Variants in TRIM38 observed in about 807,000 individuals in gnomAD.
TRIM38 encodes E3 ubiquitin-protein ligase TRIM38.
In TRIM38, 35 loss-of-function variants were observed where a neutral mutation model predicts 35.8. The ratio of observed to expected loss-of-function variants is 0.98; its 90% CI spans 0.75 to 1.30. The LOEUF (loss-of-function observed/expected upper bound fraction) is 1.30. Among genes scored for constraint, TRIM38 ranks in the 50% most tolerant of loss-of-function variants. TRIM38 has a pLI of 0.00. For synonymous variants in TRIM38, 198 were observed against 204.7 expected, an observed-to-expected ratio of 0.97 and a Z score of 0.28; for missense variants, 545 against 556.9, an observed-to-expected ratio of 0.98 and a Z score of 0.21.
At position 25,981,982 on chromosome 6, in the gene TRIM38, G is replaced by C. The variant is rs199812507; in HGVS notation, c.875-1182G>C. ...ATTATTACTACATGTTGTTAGAAGA[G>C]CTGAAGCAGGACTGGCTTGTCTGTC... On this transcript the variant is annotated intron_variant, in intron 7 of 7. Coordinates refer to ENST00000357085, the MANE Select transcript of TRIM38 (RefSeq NM_006355.5). Among the ~76,000 whole-genome samples, 30 of 152,304 alleles carry C rather than the reference G, an allele frequency of 2.0e-4. No homozygotes were observed. In the East Asian group the frequency reaches 5.4e-3, roughly 27 times the overall value.
intron 7 of TRIM38, among the ~76,000 whole-genome samples, chr6:25,978,040 C>T (rs1201902144): frequency 6.6e-6 from 1 of 152,030 alleles, no homozygotes; most frequent in Non-Finnish European, 1.5e-5. Flanking sequence ...TATATACACA[C>T]ACACATATAT....
intron 3 of TRIM38, among the ~76,000 whole-genome samples, chr6:25,968,098 C>A (rs971844670): frequency 1.3e-5 from 2 of 152,114 alleles, no homozygotes; most frequent in African/African-American, 4.8e-5. Context: ...CTTCTCTGTC[C>A]TGCCTAAATT....
Position 25,985,444 on chromosome 6 carries a change from G to A in TRIM38, c.*1757G>A, listed in dbSNP as rs1437168699. On this transcript the variant is annotated 3_prime_UTR_variant, in exon 8 of 8. Coordinates refer to ENST00000357085, the MANE Select transcript of TRIM38 (RefSeq NM_006355.5). ...AAGCCCAAGTTCTAAATCCTCTTTT[G>A]AGTATTCATCTCAGTACTCCCCTGT... is the stretch of plus-strand genomic sequence containing the variant. 2 of 151,976 alleles carry A rather than the reference G, an allele frequency of 1.3e-5. No individual in the cohort carries two copies. Among genetic ancestry groups the A allele is most frequent in the African/African-American group, 2.4e-5 (1 of 41,338 alleles). The allele number at this position is 151,976 out of a possible 1,614,324, so 9.4% of individuals were successfully genotyped here. A position where few individuals can be genotyped will look rare whatever the true frequency, so the allele number is the denominator to read the frequency against.
At position 25,988,603 on chromosome 6, in the gene TRIM38, C is replaced by G. The variant is rs889018052; in HGVS notation, c.*4916C>G. Reference sequence around the variant, plus strand: ...CCATCTCCCAGGTTCAAACGATTCTCATATCTCAGCCTCCCGAGTAGCTGG... The same window carrying G: ...CCATCTCCCAGGTTCAAACGATTCTGATATCTCAGCCTCCCGAGTAGCTGG... On this transcript the variant is annotated 3_prime_UTR_variant, in exon 8 of 8. Coordinates refer to ENST00000357085, the MANE Select transcript of TRIM38 (RefSeq NM_006355.5). 13 of 143,118 alleles carry G rather than the reference C, an allele frequency of 9.1e-5. No individual in the cohort carries two copies. Among genetic ancestry groups the G allele is most frequent in the African/African-American group, 2.9e-4 (11 of 38,574 alleles). 8.9% of individuals were successfully genotyped at this position (143,118 alleles called of 1,614,324 possible). A position where few individuals can be genotyped will look rare whatever the true frequency, so the allele number is the denominator to read the frequency against.
intron 7 of TRIM38, 98 bp downstream of exon 7, chr6:25,973,383 A>G (rs1237315050): frequency 1.3e-6 from 2 of 1,503,500 alleles, no homozygotes; most frequent in African/African-American, 2.8e-5. Context: ...ACAGCCAGAG[A>G]GGTTGTTTAG....
intron 2 of TRIM38, among the ~76,000 whole-genome samples, chr6:25,965,064 C>G (rs958053457): frequency 2.0e-5 from 3 of 152,150 alleles, no homozygotes; most frequent in Non-Finnish European, 2.9e-5. Flanking sequence ...CTGCCCGCCT[C>G]GGCTTCCCAA....
At position 25,988,729 on chromosome 6, in the gene TRIM38, C is replaced by T. The variant is rs1391484894; in HGVS notation, c.*5042C>T. Reference sequence around the variant, plus strand: ...CCTCAAGCAATCCACCCACTTCGGCCTCCCAAAGTGAATGCATTTCTTTTT... The same window carrying T: ...CCTCAAGCAATCCACCCACTTCGGCTTCCCAAAGTGAATGCATTTCTTTTT... On this transcript the variant is annotated 3_prime_UTR_variant, in exon 8 of 8. Coordinates refer to ENST00000357085, the MANE Select transcript of TRIM38 (RefSeq NM_006355.5). The T allele has an allele frequency of 1.3e-5, 2 of 152,052 alleles. No homozygotes were observed. The highest frequency in any genetic ancestry group is 4.8e-5 in the African/African-American group (2 of 41,390). The allele number at this position is 152,052 out of a possible 1,614,324, so 9.4% of individuals were successfully genotyped here.
Position 25,988,470 on chromosome 6 carries a change from TTTTC to T in TRIM38, c.*4787_*4790del, listed in dbSNP as rs1760772260. The T allele has an allele frequency of 7.1e-6, 1 of 140,334 alleles. No homozygotes were observed. The highest frequency in any genetic ancestry group is 1.5e-5 in the Non-Finnish European group (1 of 66,228). The allele number at this position is 140,334 out of a possible 1,614,324, so 8.7% of individuals were successfully genotyped here. A position where few individuals can be genotyped will look rare whatever the true frequency, so the allele number is the denominator to read the frequency against. ...TTCATGGCTTGATCGTTTCTTTTCTTTTTCTTTTTCTTTTTTCTTTTCTTTCTTT... is the reference window on the plus strand; with the variant it reads ...TTCATGGCTTGATCGTTTCTTTTCTTTTTTTCTTTTTTCTTTTCTTTCTTT... On this transcript the variant is annotated 3_prime_UTR_variant, in exon 8 of 8. Coordinates refer to ENST00000357085, the MANE Select transcript of TRIM38 (RefSeq NM_006355.5).
Position 25,984,855 on chromosome 6 carries a change from T to TA in TRIM38, c.*1170dup, listed in dbSNP as rs1297974945. 9.2e-5 allele frequency: 14 copies of TA among 152,190 alleles called. No homozygotes were observed. The highest frequency in any genetic ancestry group is 3.1e-4 in the African/African-American group (13 of 41,404). The allele number at this position is 152,190 out of a possible 1,614,324, so 9.4% of individuals were successfully genotyped here. On this transcript the variant is annotated 3_prime_UTR_variant, in exon 8 of 8. Transcript: ENST00000357085. ...GCTGTGCCTCAAGGAAAAAAAAAATTAATGTTTACTGATATTTGTTGAAGT... is the reference window on the plus strand; with the variant it reads ...GCTGTGCCTCAAGGAAAAAAAAAATTAAATGTTTACTGATATTTGTTGAAGT...
Position 25,972,173 on chromosome 6 carries a change from G to A in TRIM38, c.738+74G>A, listed in dbSNP as rs1337924226. 5.9e-6 allele frequency: 8 copies of A among 1,354,288 alleles called. No individual in the cohort carries two copies. In the South Asian group the frequency reaches 8.7e-5, roughly 15 times the overall value. The allele number at this position is 1,354,288 out of a possible 1,614,324, so 83.9% of individuals were successfully genotyped here. A position where few individuals can be genotyped will look rare whatever the true frequency, so the allele number is the denominator to read the frequency against. Reference sequence around the variant, plus strand: ...TTAAAGGAGAATGGTAAGGAAGCATGGGAAGATAAAGTAATGTTTCTTTTA... The same window carrying A: ...TTAAAGGAGAATGGTAAGGAAGCATAGGAAGATAAAGTAATGTTTCTTTTA... On this transcript the variant is annotated intron_variant, in intron 5 of 7. Transcript: ENST00000357085.
intron 7 of TRIM38, among the ~76,000 whole-genome samples, chr6:25,979,560 C>G (rs1760488314): frequency 6.6e-5 from 10 of 151,762 alleles, no homozygotes; most frequent in Admixed American, 6.6e-4. Flanking sequence ...TGTATTCATT[C>G]CATTTGTGCC....
At chr6:25,968,395 T>G (rs1159305789) in intron 3 of TRIM38, among the ~76,000 whole-genome samples, 1 of 152,210 alleles carries the variant, frequency 6.6e-6, no homozygotes, top group Non-Finnish European at 1.5e-5. Flanking sequence ...CTTAATGTCT[T>G]CACACCTTGG....
At chr6:25,967,405 G>A (rs149461503) in intron 3 of TRIM38, among the ~76,000 whole-genome samples, 1 of 152,090 alleles carries the variant, frequency 6.6e-6, no homozygotes, top group African/African-American at 2.4e-5. Context: ...TTAGGGTAGA[G>A]AGTGGTTCAT....
rs1760755443 is a variant in TRIM38 at position 25,987,846 on chromosome 6, C to T, written c.*4159C>T. The T allele has an allele frequency of 6.6e-6, 1 of 152,224 alleles. No individual in the cohort carries two copies. Among genetic ancestry groups the T allele is most frequent in the South Asian group, 2.1e-4 (1 of 4,832 alleles). 9.4% of individuals were successfully genotyped at this position (152,224 alleles called of 1,614,324 possible). A position where few individuals can be genotyped will look rare whatever the true frequency, so the allele number is the denominator to read the frequency against. The stretch of plus-strand genomic sequence containing the variant: ...AATCCTGTGTTCTGCCTTTTCAACA[C>T]TTCCTGTCACCCAATTTCTATCAAC... On this transcript the variant is annotated 3_prime_UTR_variant, in exon 8 of 8. Transcript: ENST00000357085.
rs1760661953 is a variant in TRIM38, at chr6:25,984,628, C to T, written c.*941C>T. ...GCATGGTGGCTCACGCCTGTAATCCCAGAACTATGTGAGGCTGAGGCAGGT... is the reference window on the plus strand; with the variant it reads ...GCATGGTGGCTCACGCCTGTAATCCTAGAACTATGTGAGGCTGAGGCAGGT... On this transcript the variant is annotated 3_prime_UTR_variant, in exon 8 of 8. Coordinates refer to ENST00000357085, the MANE Select transcript of TRIM38 (RefSeq NM_006355.5). 6.6e-6 allele frequency: 1 copy of T among 152,068 alleles called. No individual in the cohort carries two copies. The highest frequency in any genetic ancestry group is 6.6e-5 in the Admixed American group (1 of 15,264). 9.4% of individuals were successfully genotyped at this position (152,068 alleles called of 1,614,324 possible).
chr6:25,973,914 G>A, intron 7 of TRIM38: 2 of 978,398 alleles, frequency 2.0e-6, no homozygotes, highest in Non-Finnish European at 2.4e-6. Context: ...GTATCCGTAA[G>A]TACAAAATCA....
chr6:25,967,896 G>C (rs1760112594), intron 3 of TRIM38, among the ~76,000 whole-genome samples: 1 of 152,130 alleles, frequency 6.6e-6, no homozygotes, highest in South Asian at 2.1e-4. Context: ...ATAAGAAAGG[G>C]AGGAGAGGGC....
At position 25,978,671 on chromosome 6, in the gene TRIM38, T is replaced by C. The variant is rs575638927; in HGVS notation, c.875-4493T>C. 9.3e-4 allele frequency among the ~76,000 whole-genome samples: 142 copies of C among 151,952 alleles called. 1 individual carries two copies. The highest frequency in any genetic ancestry group is 3.2e-3 in the African/African-American group (133 of 41,422). ...ACAGGCCACCATACCTGGCTAATTT[T>C]TTAATTTTTTTTTGAGACAGGGTCT... is the stretch of plus-strand genomic sequence containing the variant. On this transcript the variant is annotated intron_variant, in intron 7 of 7. Coordinates refer to ENST00000357085, the MANE Select transcript of TRIM38 (RefSeq NM_006355.5).
Position 25,989,778 on chromosome 6 carries a change from C to A in TRIM38, c.*6091C>A, listed in dbSNP as rs1196001328. Reference sequence around the variant, plus strand: ...CTGAAATAATTTCTCTTTATCACCTCTTCTTATAAATATGGTTTTCTTTTT... The same window carrying A: ...CTGAAATAATTTCTCTTTATCACCTATTCTTATAAATATGGTTTTCTTTTT... On this transcript the variant is annotated 3_prime_UTR_variant, in exon 8 of 8. Coordinates refer to ENST00000357085, the MANE Select transcript of TRIM38 (RefSeq NM_006355.5). 6.6e-6 allele frequency: 1 copy of A among 151,860 alleles called. No individual in the cohort carries two copies. Among genetic ancestry groups the A allele is most frequent in the African/African-American group, 2.4e-5 (1 of 41,382 alleles). The allele number at this position is 151,860 out of a possible 1,614,324, so 9.4% of individuals were successfully genotyped here. A position where few individuals can be genotyped will look rare whatever the true frequency, so the allele number is the denominator to read the frequency against.
Sources: allele counts gnomAD v4.1 joint callset (sites outside exome capture counted in the v4.1 genomes callset), GRCh38; gene constraint gnomAD v4.1.1; transcripts MANE v1.5; gene names NCBI Gene and HGNC (gene_info 2026-07-23, HGNC 2026-07-21).